RABGAP1L: variants seen among roughly 807,000 people sequenced by gnomAD.
RABGAP1L encodes the protein RAB GTPase activating protein 1 like, also known as rab GTPase-activating protein 1-like.
RABGAP1L carries 63 observed loss-of-function variants against 137.7 expected under a neutral mutation model. The ratio of observed to expected loss-of-function variants is 0.46; its 90% CI spans 0.37 to 0.56. RABGAP1L has a LOEUF of 0.56. Among genes scored for constraint, RABGAP1L ranks in the 20% least tolerant of loss-of-function variants. RABGAP1L has a pLI of 0.00. For missense variants in RABGAP1L, 1,095 were observed against 1,244.0 expected, an observed-to-expected ratio of 0.88 and a Z score of 1.80; for synonymous variants, 431 against 433.7, an observed-to-expected ratio of 0.99 and a Z score of 0.08.
chr1:174,586,013 C>T (rs1271939792), intron 13 of RABGAP1L, among the ~76,000 whole-genome samples: 1 of 152,170 alleles, frequency 6.6e-6, no homozygotes, highest in Non-Finnish European at 1.5e-5. Context: ...ACCCAGCAAT[C>T]CCATTACTGG....
chr1:174,181,559 G>A (rs1369091352), intron 1 of RABGAP1L, among the ~76,000 whole-genome samples: 1 of 151,998 alleles, frequency 6.6e-6, no homozygotes, highest in African/African-American at 2.4e-5. Flanking sequence ...GGATGGTCTC[G>A]ATCTCATGAC....
chr1:174,423,919 GAAA>G (rs1175711124), intron 13 of RABGAP1L, among the ~76,000 whole-genome samples: 1 of 151,778 alleles, frequency 6.6e-6, no homozygotes, highest in Non-Finnish European at 1.5e-5. Flanking sequence ...TAGAAACAGA[GAAA>G]AAAAATATTT....
At chr1:174,613,024 T>G (rs1435482622) in intron 13 of RABGAP1L, among the ~76,000 whole-genome samples, 3 of 151,694 alleles carry the variant, frequency 2.0e-5, no homozygotes, top group Non-Finnish European at 4.4e-5. Context: ...GATTCATTAA[T>G]TTTTTGAAGG....
At position 174,560,135 on chromosome 1, in the gene RABGAP1L, G is replaced by GAA. The variant is rs370736567; in HGVS notation, c.1711-77226_1711-77225dup. ...GGCAACAGGGCGAGACTCTGTCTCA[G>GAA]AAAAAAAAAAAAAAAGTTTCCTTTT... On this transcript the variant is annotated intron_variant, in intron 13 of 25. Transcript: ENST00000681986. 7.0e-5 allele frequency among the ~76,000 whole-genome samples: 9 copies of GAA among 129,376 alleles called. 1 individual carries two copies. Among genetic ancestry groups the GAA allele is most frequent in the Middle Eastern group, 8.0e-3 (2 of 250 alleles). 84.9% of individuals were successfully genotyped at this position (129,376 alleles called of 152,430 possible). A position where few individuals can be genotyped will look rare whatever the true frequency, so the allele number is the denominator to read the frequency against.
At chr1:174,937,637 T>TATATATATATATATATATATATATATATA (rs1302676014) in intron 19 of RABGAP1L, among the ~76,000 whole-genome samples, 14 of 138,504 alleles carry the variant, frequency 1.0e-4, no homozygotes, top group South Asian at 4.5e-4. Flanking sequence ...TATATATATC[T>TATATATATATATATATATATATATATATA]TGCAGTTAGA....
At chr1:174,987,237 G>A (rs1175367729) in intron 24 of RABGAP1L, among the ~76,000 whole-genome samples, 1 of 152,120 alleles carries the variant, frequency 6.6e-6, no homozygotes, top group African/African-American at 2.4e-5. Context: ...CGCGATCTCG[G>A]CACACTGCAA....
chr1:174,706,660 C>G (rs1349813537), intron 17 of RABGAP1L, among the ~76,000 whole-genome samples: 1 of 151,958 alleles, frequency 6.6e-6, no homozygotes, highest in African/African-American at 2.4e-5. Context: ...ACGAAGTAAC[C>G]AGCACCCAGA....
chr1:174,735,437 A>C (rs1682850682), intron 17 of RABGAP1L, among the ~76,000 whole-genome samples: 1 of 151,338 alleles, frequency 6.6e-6, no homozygotes, highest in African/African-American at 2.4e-5. Context: ...TGGTCTTTGC[A>C]TTGCTGTAAA....
intron 13 of RABGAP1L, among the ~76,000 whole-genome samples, chr1:174,575,627 C>G (rs1318719177): frequency 1.3e-5 from 2 of 152,166 alleles, no homozygotes; most frequent in Non-Finnish European, 2.9e-5. Context: ...TTGCATTGCT[C>G]CCTTGTTTGT....
intron 19 of RABGAP1L, among the ~76,000 whole-genome samples, chr1:174,834,206 C>T (rs1573416225): frequency 6.6e-6 from 1 of 152,058 alleles, no homozygotes; most frequent in Non-Finnish European, 1.5e-5. Context: ...GCGGGAAGAT[C>T]ACCTGAGGTT....
chr1:174,466,110 G>T (rs553246417), intron 13 of RABGAP1L, among the ~76,000 whole-genome samples: 21 of 152,286 alleles, frequency 1.4e-4, no homozygotes, highest in Middle Eastern at 3.4e-3. Context: ...CCTTAGCTTT[G>T]TAGTGAACTT....
chr1:174,629,682 C>G lies in RABGAP1L; in HGVS notation c.1711-7693C>G, dbSNP rs148825135. 8.5e-5 allele frequency among the ~76,000 whole-genome samples: 13 copies of G among 152,154 alleles called. No individual in the cohort carries two copies. In the East Asian group the frequency reaches 1.5e-3, roughly 18 times the overall value. On this transcript the variant is annotated intron_variant, in intron 13 of 25. Transcript: ENST00000681986. ...GGATTACAGGCATGTGCTACCATGCCGGGCTAATTTTTTGTATTTTTTAGT... is the reference window on the plus strand; with the variant it reads ...GGATTACAGGCATGTGCTACCATGCGGGGCTAATTTTTTGTATTTTTTAGT...
chr1:174,254,014 A>G (rs560922202), intron 7 of RABGAP1L, among the ~76,000 whole-genome samples: 341 of 152,150 alleles, frequency 2.2e-3, no homozygotes, highest in Non-Finnish European at 4.0e-3. Context: ...GTGGGAGGCA[A>G]TTGAGGCGCT....
chr1:174,970,853 G>A (rs144193966), intron 21 of RABGAP1L, among the ~76,000 whole-genome samples: 1 of 152,158 alleles, frequency 6.6e-6, no homozygotes, highest in East Asian at 1.9e-4. Flanking sequence ...GAGAATGACA[G>A]TTTGACTGTA....
chr1:174,438,071 A>T (rs932387621), intron 13 of RABGAP1L, among the ~76,000 whole-genome samples: 1 of 152,196 alleles, frequency 6.6e-6, no homozygotes, highest in African/African-American at 2.4e-5. Flanking sequence ...TGAAGGAAGC[A>T]CTAAACATGG....
At chr1:174,602,128 G>A (rs1670461806) in intron 13 of RABGAP1L, among the ~76,000 whole-genome samples, 1 of 151,952 alleles carries the variant, frequency 6.6e-6, no homozygotes, top group South Asian at 2.1e-4. Flanking sequence ...ATATTTTCGG[G>A]TATCTTTTCG....
chr1:174,614,467 C>T (rs557829509), intron 13 of RABGAP1L, among the ~76,000 whole-genome samples: 1 of 152,172 alleles, frequency 6.6e-6, no homozygotes, highest in Admixed American at 6.5e-5. Flanking sequence ...TGATGGGCTT[C>T]CCTTTGTGGG....
chr1:174,653,185 C>G (rs759489656), intron 14 of RABGAP1L, among the ~76,000 whole-genome samples: 1 of 152,146 alleles, frequency 6.6e-6, no homozygotes, highest in Non-Finnish European at 1.5e-5. Flanking sequence ...CTTCAGACTG[C>G]TATGCTGGCA....
At chr1:174,176,741 A>AAAAATAAATAAAAT (rs1553248319) in intron 1 of RABGAP1L, among the ~76,000 whole-genome samples, 5 of 111,778 alleles carry the variant, frequency 4.5e-5, no homozygotes, top group African/African-American at 1.8e-4. Flanking sequence ...AAAAAAAAAA[A>AAAAATAAATAAAAT]AAAAAGGTCA....
Sources: allele counts gnomAD v4.1 joint callset (sites outside exome capture counted in the v4.1 genomes callset), GRCh38; gene constraint gnomAD v4.1.1; transcripts MANE v1.5; gene names NCBI Gene and HGNC (gene_info 2026-07-23, HGNC 2026-07-21).